ADAM22: variants seen among roughly 807,000 people sequenced by gnomAD.
The protein encoded by ADAM22 is disintegrin and metalloproteinase domain-containing protein 22.
A neutral mutation model predicts 144.6 loss-of-function variants in ADAM22; 65 were observed. That is an observed-to-expected ratio of 0.45 (90% confidence interval 0.37 to 0.55). ADAM22 has a LOEUF of 0.55. Ranked by LOEUF, ADAM22 falls within the 20% of genes least tolerant of loss-of-function variation. The pLI, the probability that ADAM22 is intolerant of heterozygous loss-of-function variation, is 0.00. For missense variants in ADAM22, 974 were observed against 1,184.9 expected (o/e 0.82, Z 2.61); for synonymous variants, 391 against 412.6 (o/e 0.95, Z 0.63).
chr7:87,974,039 T>C (rs748928436), intron 2 of ADAM22, among the ~76,000 whole-genome samples: 9 of 151,336 alleles, frequency 5.9e-5, no homozygotes, highest in Admixed American at 1.3e-4. Context: ...TATACATATG[T>C]AACAAAGCTG....
chr7:88,041,284 A>G lies in ADAM22; in HGVS notation c.324-34342A>G, dbSNP rs1328420520. ...TGGGGGCTATCTTAGAATTCTACTT[A>G]CCACAGGACAGATGGAATCAAGAAT... On this transcript the variant is annotated intron_variant, in intron 3 of 31. Coordinates refer to ENST00000413139, the MANE Select transcript of ADAM22 (RefSeq NM_001324418.2). Among the ~76,000 whole-genome samples the G allele has an allele frequency of 3.9e-5, 6 of 151,992 alleles. 1 individual carries two copies.
chr7:88,120,840 C>T (rs898581760), intron 7 of ADAM22, among the ~76,000 whole-genome samples: 1 of 152,002 alleles, frequency 6.6e-6, no homozygotes, highest in African/African-American at 2.4e-5. Flanking sequence ...TGCTAGCTCC[C>T]AAGTTTTGAA....
intron 3 of ADAM22, among the ~76,000 whole-genome samples, chr7:87,980,935 C>A (rs1436174279): frequency 1.3e-5 from 2 of 152,058 alleles, no homozygotes; most frequent in African/African-American, 4.8e-5. Flanking sequence ...CTGCATTGGA[C>A]CTTTCCAGAG....
In ADAM22 at chr7:88,134,389, A is replaced by G. The variant is rs746183960; in HGVS notation, c.1138A>G (p.Ile380Val). Residue 380 changes from isoleucine (I) to valine (V), a missense_variant, in exon 13 of 32, where the codon ATT (isoleucine) becomes GTT (valine). Transcript: ENST00000413139. ...CCAGTCATTAGCCCATAATATTGGT[A>G]TTATCTCAGACAAAAGAAAGTTAGC... ...LAQSLAHNIGIISDKRKLASG... is the reference protein window; with the variant it reads ...LAQSLAHNIGVISDKRKLASG... 1 of 1,610,946 alleles carries G rather than the reference A, an allele frequency of 6.2e-7. No individual in the cohort carries two copies. The highest frequency in any genetic ancestry group is 2.2e-5 in the East Asian group (1 of 44,638).
intron 4 of ADAM22, among the ~76,000 whole-genome samples, chr7:88,090,481 C>T (rs1203003475): frequency 6.6e-6 from 1 of 152,064 alleles, no homozygotes; most frequent in African/African-American, 2.4e-5. Context: ...AACAGTTTGG[C>T]CACGACTTAA....
At chr7:88,075,311 G>C (rs537960460) in intron 3 of ADAM22, among the ~76,000 whole-genome samples, 39 of 152,178 alleles carry the variant, frequency 2.6e-4, no homozygotes, top group Admixed American at 1.6e-3. Context: ...AAAAAATTAA[G>C]GACAATATGT....
At chr7:88,019,916 TTAAAAA>T (rs916481091) in intron 3 of ADAM22, among the ~76,000 whole-genome samples, 13 of 150,640 alleles carry the variant, frequency 8.6e-5, no homozygotes, top group African/African-American at 2.7e-4. Context: ...GATGTATTTC[TTAAAAA>T]TAAAAAGATT....
intron 3 of ADAM22, among the ~76,000 whole-genome samples, chr7:88,007,618 T>C (rs993250891): frequency 7.2e-5 from 11 of 152,174 alleles, no homozygotes; most frequent in African/African-American, 2.7e-4. Flanking sequence ...ATCTGATCTT[T>C]GACAAACCTG....
intron 3 of ADAM22, among the ~76,000 whole-genome samples, chr7:88,040,425 C>A (rs558420708): frequency 6.6e-6 from 1 of 151,992 alleles, no homozygotes. Context: ...AGCCACTGAG[C>A]CTAGCCAACA....
At chr7:88,110,626 A>G (rs561473936) in intron 5 of ADAM22, among the ~76,000 whole-genome samples, 12 of 151,246 alleles carry the variant, frequency 7.9e-5, no homozygotes, top group Non-Finnish European at 1.6e-4. Context: ...ATGAGCCACC[A>G]TGCCCACTTT....
chr7:88,192,853 G>C (rs1216461332), intron 30 of ADAM22, among the ~76,000 whole-genome samples: 2 of 152,018 alleles, frequency 1.3e-5, no homozygotes, highest in East Asian at 3.9e-4. Flanking sequence ...TATTCTATAG[G>C]ATACATTTTT....
intron 4 of ADAM22, among the ~76,000 whole-genome samples, chr7:88,102,674 C>T (rs1051045655): frequency 1.3e-5 from 2 of 152,212 alleles, no homozygotes. Context: ...CCTGCACAAA[C>T]TCTCTGGGCA....
intron 3 of ADAM22, among the ~76,000 whole-genome samples, chr7:88,047,032 C>G (rs1041739942): frequency 2.0e-5 from 3 of 152,208 alleles, no homozygotes; most frequent in Admixed American, 6.5e-5. Context: ...GTTCCTTTCA[C>G]TGGCCACTTG....
At chr7:88,008,156 T>C (rs958073715) in intron 3 of ADAM22, among the ~76,000 whole-genome samples, 8 of 151,344 alleles carry the variant, frequency 5.3e-5, no homozygotes, top group South Asian at 2.1e-4. Flanking sequence ...AAAATGCTCA[T>C]CATCACTGGC....
intron 19 of ADAM22, 97 bp from the exon 20 acceptor site, chr7:88,151,160 T>C: frequency 6.5e-7 from 1 of 1,530,720 alleles, no homozygotes; most frequent in Non-Finnish European, 9.0e-7. Flanking sequence ...GCCTCTCTAC[T>C]ATTCATCTAT....
chr7:88,142,996 C>A, intron 14 of ADAM22, 30 bp from the exon 15 acceptor site: 2 of 1,394,976 alleles, frequency 1.4e-6, no homozygotes, highest in Non-Finnish European at 2.0e-6. Flanking sequence ...ATGAGTTGAA[C>A]CCAGCTATTG....
chr7:88,044,897 G>A (rs1037656633), intron 3 of ADAM22, among the ~76,000 whole-genome samples: 7 of 151,182 alleles, frequency 4.6e-5, no homozygotes, highest in African/African-American at 1.7e-4. Flanking sequence ...GCTAATTTTT[G>A]TATTTTTAGT....
In ADAM22 at chr7:88,130,361, C is replaced by T. The variant is rs566766348; in HGVS notation, c.754-27C>T. On this transcript the variant is annotated intron_variant, in intron 9 of 31. Coordinates refer to ENST00000413139, the MANE Select transcript of ADAM22 (RefSeq NM_001324418.2). ...ATTGTTTTCTGATCACTTTGCAAGA[C>T]CTTCACTTGTTTTCTTTTGCTTTCA... is the stretch of plus-strand genomic sequence containing the variant. 734 of 1,589,648 alleles carry T rather than the reference C, an allele frequency of 4.6e-4. 16 individuals are homozygous for T. In the South Asian group the frequency reaches 7.5e-3, roughly 16 times the overall value.
At chr7:87,965,071 T>A (rs565578747) in intron 2 of ADAM22, among the ~76,000 whole-genome samples, 1 of 152,322 alleles carries the variant, frequency 6.6e-6, no homozygotes, top group Non-Finnish European at 1.5e-5. Flanking sequence ...GGTAGTGTGT[T>A]CTTCCTACCA....
Sources: allele counts gnomAD v4.1 joint callset (sites outside exome capture counted in the v4.1 genomes callset), GRCh38; gene constraint gnomAD v4.1.1; transcripts MANE v1.5; gene names NCBI Gene and HGNC (gene_info 2026-07-23, HGNC 2026-07-21).